Variants in TDRD1 observed in about 807,000 individuals in gnomAD.
TDRD1 encodes the protein tudor domain-containing protein 1.
In TDRD1, 37 loss-of-function variants were observed where a neutral mutation model predicts 140.6. That is an observed-to-expected ratio of 0.26 (90% CI 0.20 to 0.35). The LOEUF is 0.35. Ranked by LOEUF, TDRD1 falls within the 10% of genes least tolerant of loss-of-function variation. The pLI is 1.00. For missense variants in TDRD1, 1,243 were observed against 1,393.0 expected (o/e 0.89, Z 1.71); for synonymous variants, 506 against 475.7 (o/e 1.06, Z -0.83).
exon 3 of TDRD1, chr10:114,191,013 G>T (rs1378786450): frequency 1.2e-6 from 2 of 1,613,748 alleles, no homozygotes; most frequent in South Asian, 2.2e-5. Flanking sequence ...CCAAAGAAGT[G>T]AATATTGTAA....
chr10:114,203,434 T>C, exon 8 of TDRD1: 2 of 1,613,804 alleles, frequency 1.2e-6, no homozygotes, highest in Non-Finnish European at 1.7e-6. Context: ...TACGTGCAGT[T>C]ATATTCTTCA....
At chr10:114,224,785 A>ATATTCC (rs1478066846) in intron 21 of TDRD1, among the ~76,000 whole-genome samples, 1 of 152,030 alleles carries the variant, frequency 6.6e-6, no homozygotes, top group Admixed American at 6.5e-5. Flanking sequence ...GTTCATTGTC[A>ATATTCC]TATTCCTCCT....
At chr10:114,181,183 G>A (rs1398943311) in intron 1 of TDRD1, among the ~76,000 whole-genome samples, 1 of 152,200 alleles carries the variant, frequency 6.6e-6, no homozygotes, top group African/African-American at 2.4e-5. Flanking sequence ...CTGAGAAAAT[G>A]AGGTACTCTT....
At chr10:114,182,875 G>A (rs1485133854) in intron 1 of TDRD1, among the ~76,000 whole-genome samples, 2 of 151,796 alleles carry the variant, frequency 1.3e-5, no homozygotes, top group East Asian at 1.9e-4. Context: ...TAGTAGAGAC[G>A]GGGTTTCACT....
At chr10:114,191,063 C>G (rs1273898806) in intron 3 of TDRD1, 44 bp downstream of exon 3, 1 of 1,560,308 alleles carries the variant, frequency 6.4e-7, no homozygotes, top group Non-Finnish European at 8.8e-7. Flanking sequence ...GTAAAAGATT[C>G]TAAACATGTT....
At chr10:114,210,615 AAAC>A in exon 12 of TDRD1, 4 of 1,600,098 alleles carry the variant, frequency 2.5e-6, no homozygotes, top group Non-Finnish European at 2.6e-6. Context: ...TGACAACTGA[AAAC>A]AACATTGTCG....
intron 1 of TDRD1, among the ~76,000 whole-genome samples, chr10:114,183,037 T>C (rs2033218181): frequency 6.6e-6 from 1 of 152,174 alleles, no homozygotes; most frequent in South Asian, 2.1e-4. Context: ...ATGGTGGATA[T>C]TGCAGGAAGT....
Position 114,227,973 on chromosome 10 carries a change from T to G in TDRD1, c.3450+17T>G. On this transcript the variant is annotated intron_variant, in intron 24 of 25. Coordinates refer to ENST00000251864, the Ensembl canonical transcript of TDRD1. ...CAGAAACAAGTAGGTAAAATTTCCTTTAAGTGAAATTATACTCCTAACGTT... is the reference window on the plus strand; with the variant it reads ...CAGAAACAAGTAGGTAAAATTTCCTGTAAGTGAAATTATACTCCTAACGTT... The G allele has an allele frequency of 1.2e-6, 2 of 1,613,308 alleles. No individual in the cohort carries two copies. The highest frequency in any genetic ancestry group is 3.3e-5 in the Admixed American group (2 of 60,008).
intron 10 of TDRD1, 129 bp downstream of exon 10, chr10:114,205,022 C>A: frequency 1.4e-6 from 1 of 727,756 alleles, no homozygotes; most frequent in Non-Finnish European, 2.0e-6. Flanking sequence ...TGTGACTGAA[C>A]CCATTCTTGA....
chr10:114,227,556 C>T (rs2036507766), intron 23 of TDRD1, among the ~76,000 whole-genome samples: 1 of 152,190 alleles, frequency 6.6e-6, no homozygotes, highest in South Asian at 2.1e-4. Flanking sequence ...TTTGAAAATG[C>T]CAGGCATTCT....
chr10:114,219,149 T>G (rs1490679837), intron 18 of TDRD1, among the ~76,000 whole-genome samples: 2 of 152,194 alleles, frequency 1.3e-5, no homozygotes, highest in Non-Finnish European at 2.9e-5. Flanking sequence ...GTTATTGATA[T>G]GAAGAATTGT....
chr10:114,222,046 TA>T (rs1313284187), intron 20 of TDRD1, among the ~76,000 whole-genome samples: 1 of 152,244 alleles, frequency 6.6e-6, no homozygotes, highest in East Asian at 1.9e-4. Context: ...CAGGCACTTT[TA>T]AAGCTGAAAA....
chr10:114,184,325 TG>T (rs2033348226), intron 1 of TDRD1, among the ~76,000 whole-genome samples: 1 of 152,216 alleles, frequency 6.6e-6, no homozygotes, highest in Non-Finnish European at 1.5e-5. Flanking sequence ...TGCCTCAGCG[TG>T]TCTCTGCATA....
chr10:114,224,177 A>G (rs2036305932), intron 21 of TDRD1, among the ~76,000 whole-genome samples: 1 of 152,176 alleles, frequency 6.6e-6, no homozygotes, highest in African/African-American at 2.4e-5. Flanking sequence ...CCTAATAGTT[A>G]ATTGATAGGT....
At chr10:114,217,882 A>G (rs1188299213) in intron 17 of TDRD1, among the ~76,000 whole-genome samples, 1 of 152,176 alleles carries the variant, frequency 6.6e-6, no homozygotes, top group Non-Finnish European at 1.5e-5. Context: ...TTTTCTTTCC[A>G]GAATTTCTGT....
chr10:114,206,972 T>C (rs149467261), intron 11 of TDRD1, among the ~76,000 whole-genome samples: 2 of 152,322 alleles, frequency 1.3e-5, no homozygotes, highest in East Asian at 3.9e-4. Flanking sequence ...TTCTTGGGTA[T>C]TCCACCAGTA....
At chr10:114,219,738 G>C (rs896758092) in intron 18 of TDRD1, among the ~76,000 whole-genome samples, 1 of 151,958 alleles carries the variant, frequency 6.6e-6, no homozygotes, top group Non-Finnish European at 1.5e-5. Flanking sequence ...TTACAGGCAT[G>C]TGCCACCACG....
chr10:114,194,153 ATTTTC>A (rs1261330407), intron 3 of TDRD1, among the ~76,000 whole-genome samples: 1 of 152,134 alleles, frequency 6.6e-6, no homozygotes, highest in Non-Finnish European at 1.5e-5. Context: ...TTGGTCTGTA[ATTTTC>A]TTTTATACTG....
exon 21 of TDRD1, chr10:114,222,689 G>A (rs373299815): frequency 2.5e-6 from 4 of 1,597,938 alleles, no homozygotes; most frequent in Non-Finnish European, 3.4e-6. Flanking sequence ...GACGCATGCT[G>A]TGCCAAATAC....
Sources: allele counts gnomAD v4.1 joint callset (sites outside exome capture counted in the v4.1 genomes callset), GRCh38; gene constraint gnomAD v4.1.1; transcripts MANE v1.5; gene names NCBI Gene and HGNC (gene_info 2026-07-23, HGNC 2026-07-21).